The following TCFL5 variants were observed in gnomAD, a reference collection of about 807,000 sequenced individuals.
The protein encoded by TCFL5 is transcription factor-like 5 protein.
TCFL5 carries 9 observed loss-of-function variants against 44.3 expected under a neutral mutation model. The observed-to-expected ratio is 0.20, with a 90% CI of 0.12 to 0.35. The LOEUF (loss-of-function observed/expected upper bound fraction) is 0.35. Ranked by LOEUF, TCFL5 falls within the 10% of genes least tolerant of loss-of-function variation. The pLI, the probability that TCFL5 is intolerant of heterozygous loss-of-function variation, is 1.00. For missense variants in TCFL5, 603 were observed against 613.4 expected (o/e 0.98, Z 0.18); for synonymous variants, 319 against 271.6 (o/e 1.17, Z -1.72).
chr20:62,860,420 T>C, intron 1 of TCFL5, 112 bp from the exon 2 acceptor site: 1 of 898,822 alleles, frequency 1.1e-6, no homozygotes, highest in Non-Finnish European at 1.7e-6. Flanking sequence ...CCAACTCTCA[T>C]CCTGGAAATC....
In TCFL5 at chr20:62,860,190, T is replaced by C. The variant is rs1322206793; in HGVS notation, c.766A>G (p.Thr256Ala). The change falls in exon 2 of 6, where the codon ACA (threonine) becomes GCA (alanine). Residue 256 changes from threonine (T) to alanine (A), a missense_variant. This residue lies in a region of TCFL5 where 540 missense variants were observed against 478.7 expected (regional missense o/e 1.13). Transcript: ENST00000335351. ...TAATTTALQFTYPLFTTNACS... is the reference protein window; with the variant it reads ...TAATTTALQFAYPLFTTNACS... ...GCATTTGTAGTAAACAGTGGGTATG[T>C]AAATTGCAAAGCAGTAGTTGTAGCC... is the stretch of plus-strand genomic sequence containing the variant. 9.3e-6 allele frequency: 15 copies of C among 1,613,822 alleles called. No individual in the cohort carries two copies. Among genetic ancestry groups the C allele is most frequent in the African/African-American group, 5.3e-5 (4 of 74,938 alleles).
intron 3 of TCFL5, 77 bp from the exon 4 acceptor site, chr20:62,857,715 T>C: frequency 2.0e-6 from 3 of 1,525,420 alleles, no homozygotes; most frequent in Middle Eastern, 1.7e-4. Context: ...TTTTGGCCTT[T>C]TCAATCCAAG....
At chr20:62,859,625 A>T (rs1035535436) in intron 2 of TCFL5, 99 bp from the exon 3 acceptor site, 2 of 1,112,460 alleles carry the variant, frequency 1.8e-6, no homozygotes, top group African/African-American at 3.3e-5. Context: ...AAAACTACTA[A>T]CACGTAATTT....
intron 5 of TCFL5, among the ~76,000 whole-genome samples, chr20:62,846,725 C>T (rs1346564606): frequency 6.8e-6 from 1 of 147,516 alleles, no homozygotes; most frequent in African/African-American, 2.5e-5. Flanking sequence ...GTGGTTGCAC[C>T]GCACTCCAGC....
At chr20:62,848,598 C>T (rs145561604) in intron 5 of TCFL5, among the ~76,000 whole-genome samples, 2,097 of 151,706 alleles carry the variant, frequency 0.014, 39 homozygotes, top group African/African-American at 0.048. Flanking sequence ...ATTAGCCGGG[C>T]GTGGTGGGAT....
chr20:62,844,903 T>A, intron 5 of TCFL5: 5 of 984,472 alleles, frequency 5.1e-6, no homozygotes, highest in Non-Finnish European at 6.0e-6. Context: ...GTCTGTGTAG[T>A]CTTTTTGTTG....
rs369253203 is a variant in TCFL5 at position 62,857,485 on chromosome 20, T to A, written c.1148A>T (p.Gln383Leu). The A allele has an allele frequency of 1.9e-6, 3 of 1,614,250 alleles. No homozygotes were observed. The highest frequency in any genetic ancestry group is 2.5e-6 in the Non-Finnish European group (3 of 1,180,046). ...CTGGGCCTGCTCCCCCAGGTTTGCC[T>A]GTGAGGACTCCGAGGACTGCCAAGC... ...QGAWQSSESS[Q>L]ANLGEQAQSG... is the part of the protein sequence containing the mutation. The change falls in exon 4 of 6, where the codon CAG becomes CTG. Residue 383 changes from glutamine (Q) to leucine (L), a missense_variant. Around this residue, in one of 4 missense-constraint regions of TCFL5, gnomAD observed 540 missense variants for 478.7 expected, o/e 1.13. Coordinates refer to ENST00000335351, the MANE Select transcript of TCFL5 (RefSeq NM_006602.4).
intron 5 of TCFL5, among the ~76,000 whole-genome samples, chr20:62,847,269 C>A (rs999809776): frequency 6.6e-6 from 1 of 151,226 alleles, no homozygotes; most frequent in Non-Finnish European, 1.5e-5. Flanking sequence ...TTCAAAAGCA[C>A]ACCAGGACAA....
At chr20:62,860,354 G>GACAAGCATCCAC in intron 1 of TCFL5, 46 bp from the exon 2 acceptor site, 1 of 1,550,530 alleles carries the variant, frequency 6.4e-7, no homozygotes, top group Non-Finnish European at 8.8e-7. Flanking sequence ...ATACGTGGCA[G>GACAAGCATCCAC]ACAAGCATCC....
intron 3 of TCFL5, among the ~76,000 whole-genome samples, chr20:62,858,552 C>T (rs1600858376): frequency 6.6e-6 from 1 of 152,348 alleles, no homozygotes; most frequent in South Asian, 2.1e-4. Flanking sequence ...CTTGTCTTCA[C>T]CAACTCTTGG....
In TCFL5 at chr20:62,861,676, CGCGGCGCGGCCCAACG is replaced by C. The variant is rs1334834023; in HGVS notation, c.-22_-7del. 7.0e-6 allele frequency: 4 copies of C among 574,072 alleles called. No individual in the cohort carries two copies. Among genetic ancestry groups the C allele is most frequent in the Non-Finnish European group, 8.8e-6 (4 of 456,766 alleles). 35.6% of individuals were successfully genotyped at this position (574,072 alleles called of 1,614,324 possible). A position where few individuals can be genotyped will look rare whatever the true frequency, so the allele number is the denominator to read the frequency against. ...CGCGGTCCGGGGCCCGACATGGCGGCGCGGCGCGGCCCAACGGCGGCGAGGGCGACGCGGGCGGCGG... is the reference window on the plus strand; with the variant it reads ...CGCGGTCCGGGGCCCGACATGGCGGCGCGGCGAGGGCGACGCGGGCGGCGG... On this transcript the variant is annotated 5_prime_UTR_variant, in exon 1 of 6. Coordinates refer to ENST00000335351, the MANE Select transcript of TCFL5 (RefSeq NM_006602.4). This position sits in a 1 kb window ranked among gnomAD's most constrained non-coding sequence, Gnocchi z 4.0.
In TCFL5 at chr20:62,860,216, G is replaced by T. The variant is rs778322425; in HGVS notation, c.740C>A (p.Ala247Glu). 6.2e-7 allele frequency: 1 copy of T among 1,613,650 alleles called. No individual in the cohort carries two copies. Among genetic ancestry groups the T allele is most frequent in the Admixed American group, 1.7e-5 (1 of 60,016 alleles). ...AAATTGCAAAGCAGTAGTTGTAGCC[G>T]CAGTTTTATTTTTCACTAATGCTGT... is the stretch of plus-strand genomic sequence containing the variant. Reference protein sequence around the residue: ...KCTALVKNKTAATTTALQFTY... With the variant: ...KCTALVKNKTEATTTALQFTY... Residue 247 changes from alanine (A) to glutamate (E), a missense_variant, in exon 2 of 6, where the codon GCG (alanine) becomes GAG (glutamate). Ala to Glu is a moderately radical substitution (Grantham distance 107, BLOSUM62 -1). This residue lies in a region of TCFL5 where 540 missense variants were observed against 478.7 expected (regional missense o/e 1.13). Coordinates refer to ENST00000335351, the MANE Select transcript of TCFL5 (RefSeq NM_006602.4).
At chr20:62,853,909 T>C (rs1460326860) in intron 5 of TCFL5, 107 bp downstream of exon 5, 47 of 1,236,968 alleles carry the variant, frequency 3.8e-5, no homozygotes, top group Admixed American at 7.9e-5. Flanking sequence ...TATTTGATGT[T>C]AGATTCCAGG....
intron 5 of TCFL5, among the ~76,000 whole-genome samples, chr20:62,843,823 T>C (rs778650486): frequency 1.1e-4 from 16 of 152,218 alleles, no homozygotes; most frequent in Admixed American, 5.2e-4. Flanking sequence ...TCTAGGTGCC[T>C]TGTTTACGGA....
Position 62,841,209 on chromosome 20 carries a change from A to C in TCFL5, c.*766T>G. On this transcript the variant is annotated 3_prime_UTR_variant, in exon 6 of 6. Transcript: ENST00000335351. The stretch of plus-strand genomic sequence containing the variant: ...GTACAAACTCACATCTCCAATTAAC[A>C]GTATTTATTGAGGGTGACTTTGTAT... 6.0e-6 allele frequency: 1 copy of C among 166,870 alleles called. No individual in the cohort carries two copies. Among genetic ancestry groups the C allele is most frequent in the Non-Finnish European group, 1.3e-5 (1 of 76,670 alleles). 10.3% of individuals were successfully genotyped at this position (166,870 alleles called of 1,614,324 possible).
chr20:62,853,867 A>C, intron 5 of TCFL5, 149 bp downstream of exon 5: 1 of 794,696 alleles, frequency 1.3e-6, no homozygotes, highest in South Asian at 1.8e-5. Context: ...TTATATCATT[A>C]AAGAGCAGAG....
chr20:62,857,291 TC>T, intron 4 of TCFL5, 103 bp downstream of exon 4: 1 of 1,470,592 alleles, frequency 6.8e-7, no homozygotes, highest in Non-Finnish European at 9.2e-7. Context: ...CCTGCTTTAT[TC>T]CCTCTGAACG....
chr20:62,843,707 A>G (rs1242719516), intron 5 of TCFL5, among the ~76,000 whole-genome samples: 1 of 152,068 alleles, frequency 6.6e-6, no homozygotes, highest in Admixed American at 6.6e-5. Flanking sequence ...CCTTTTCATC[A>G]CCCTAAACAG....
intron 1 of TCFL5, among the ~76,000 whole-genome samples, 166 bp downstream of exon 1, chr20:62,860,858 C>A (rs2063988183): frequency 6.6e-6 from 1 of 152,138 alleles, no homozygotes; most frequent in African/African-American, 2.4e-5. Flanking sequence ...ACAGCGCACA[C>A]AGCCTTTCGG....
Sources: allele counts gnomAD v4.1 joint callset (sites outside exome capture counted in the v4.1 genomes callset), GRCh38; gene constraint gnomAD v4.1.1; regional missense constraint gnomAD v4.1.1; non-coding constraint Gnocchi (gnomAD v3.1); transcripts MANE v1.5; gene names NCBI Gene and HGNC (gene_info 2026-07-23, HGNC 2026-07-21).